DNAJC10: variants seen among roughly 807,000 people sequenced by gnomAD.
DNAJC10 encodes the protein DnaJ heat shock protein family (Hsp40) member C10.
Under a neutral mutation model 115.0 loss-of-function variants are expected in DNAJC10, and 101 were observed. The ratio of observed to expected loss-of-function variants is 0.88; its 90% CI spans 0.75 to 1.04. DNAJC10 has a LOEUF of 1.04. DNAJC10 is among the 50% of genes least tolerant of loss of function. The pLI is 0.00. For missense variants in DNAJC10, 981 were observed against 928.8 expected (o/e 1.06, Z -0.73); for synonymous variants, 307 against 301.5 (o/e 1.02, Z -0.19).
chr2:182,735,167 A>G (rs1693553297), intron 10 of DNAJC10, among the ~76,000 whole-genome samples: 1 of 151,256 alleles, frequency 6.6e-6, no homozygotes, highest in African/African-American at 2.4e-5. Context: ...TCCCATCTCT[A>G]CTAGCTCTTT....
At position 182,764,013 on chromosome 2, in the gene DNAJC10, T is replaced by C. The variant is rs191684698; in HGVS notation, c.2265+1212T>C. 6.5e-3 allele frequency among the ~76,000 whole-genome samples: 994 copies of C among 152,286 alleles called. 11 individuals carry two copies. The highest frequency in any genetic ancestry group is 0.012 in the Non-Finnish European group (785 of 68,016). ...TGTTTGTAGTTGCTGTGACTATTCT[T>C]CAAGTTGTTCAATTTACACTCAAGA... is the stretch of plus-strand genomic sequence containing the variant. On this transcript the variant is annotated intron_variant, in intron 22 of 23. Coordinates refer to ENST00000264065, the MANE Select transcript of DNAJC10 (RefSeq NM_018981.4).
At chr2:182,732,010 G>C (rs1005326779) in intron 9 of DNAJC10, among the ~76,000 whole-genome samples, 1 of 152,044 alleles carries the variant, frequency 6.6e-6, no homozygotes, top group Non-Finnish European at 1.5e-5. Flanking sequence ...TGATGCTATA[G>C]CTCTCTTTCT....
In DNAJC10 at chr2:182,781,486, G is replaced by C. The variant is rs1470579635; in HGVS notation, c.*4354G>C. 1 of 152,052 alleles carries C rather than the reference G, an allele frequency of 6.6e-6. No individual in the cohort carries two copies. The highest frequency in any genetic ancestry group is 2.1e-4 in the South Asian group (1 of 4,814). The allele number at this position is 152,052 out of a possible 1,614,324, so 9.4% of individuals were successfully genotyped here. ...TCCTTTAGGTATATACCCAGTAACG[G>C]GATTGCTGGGTCAAATGGTATTTCT... On this transcript the variant is annotated 3_prime_UTR_variant, in exon 24 of 24. Transcript: ENST00000264065.
At chr2:182,733,133 A>G (rs1303212504) in intron 10 of DNAJC10, among the ~76,000 whole-genome samples, 3 of 152,040 alleles carry the variant, frequency 2.0e-5, no homozygotes, top group Non-Finnish European at 4.4e-5. Flanking sequence ...AATTTCTAAG[A>G]GGGATGTATT....
chr2:182,729,298 G>A (rs893266644), intron 7 of DNAJC10, among the ~76,000 whole-genome samples: 2 of 151,922 alleles, frequency 1.3e-5, no homozygotes, highest in African/African-American at 2.4e-5. Context: ...ACAGGCACCC[G>A]CTCCCATGTC....
chr2:182,729,984 G>A, intron 8 of DNAJC10, 43 bp downstream of exon 8: 2 of 1,359,502 alleles, frequency 1.5e-6, no homozygotes, highest in Non-Finnish European at 2.1e-6. Flanking sequence ...AGGGTATTTT[G>A]AAATCAGTAT....
chr2:182,720,094 A>C lies in DNAJC10; in HGVS notation c.292A>C (p.Lys98Gln), dbSNP rs749520487. Reference protein sequence around the residue: ...KDEDLRKKYDKYGEKGLEDNQ... With the variant: ...KDEDLRKKYDQYGEKGLEDNQ... The stretch of plus-strand genomic sequence containing the variant: ...TGAAGATCTACGGAAAAAGTATGAC[A>C]AATATGGAGAAAAGGGACTTGAGGA... The change falls in exon 4 of 24, where the codon AAA becomes CAA. Residue 98 changes from lysine to glutamine, a missense_variant. By Grantham distance (53) the Lys-to-Gln change is moderately conservative. Coordinates refer to ENST00000264065, the MANE Select transcript of DNAJC10 (RefSeq NM_018981.4). The C allele has an allele frequency of 6.8e-6, 11 of 1,611,310 alleles. No individual in the cohort carries two copies. In the Admixed American group the frequency reaches 1.8e-4, roughly 27 times the overall value.
chr2:182,729,935 T>C lies in DNAJC10; in HGVS notation c.721T>C (p.Trp241Arg). The part of the protein sequence containing the change: ...QHVRSTVTEL[W>R]TGNFVNSIQT... ...TGTTAGAAGTACAGTGACAGAACTT[T>C]GGACAGGTAATTTTATTTTCTTAAT... Residue 241 changes from tryptophan to arginine, a missense_variant, in exon 8 of 24, where the codon TGG becomes CGG. Transcript: ENST00000264065. 1 of 1,593,198 alleles carries C rather than the reference T, an allele frequency of 6.3e-7. No individual in the cohort carries two copies. The highest frequency in any genetic ancestry group is 8.6e-7 in the Non-Finnish European group (1 of 1,168,338).
chr2:182,754,723 C>T lies in DNAJC10; in HGVS notation c.1552-280C>T, dbSNP rs557086445. ...TTCAGGAGAGTAAAAAGGGACCATT[C>T]GTATAATTACCCATGCCGATTTCTC... On this transcript the variant is annotated intron_variant, in intron 16 of 23. Coordinates refer to ENST00000264065, the MANE Select transcript of DNAJC10 (RefSeq NM_018981.4). 3.9e-5 allele frequency: 44 copies of T among 1,119,812 alleles called. No homozygotes were observed. The African/African-American group carries it at 4.7e-4, about 12-fold the overall frequency. The allele number at this position is 1,119,812 out of a possible 1,614,324, so 69.4% of individuals were successfully genotyped here. A position where few individuals can be genotyped will look rare whatever the true frequency, so the allele number is the denominator to read the frequency against.
rs768125706 is a variant in DNAJC10, at chr2:182,775,364, G to T, written c.2314G>T (p.Ala772Ser). 1.9e-6 allele frequency: 3 copies of T among 1,613,038 alleles called. No homozygotes were observed. Among genetic ancestry groups the T allele is most frequent in the Non-Finnish European group, 1.7e-6 (2 of 1,179,414 alleles). ...AAATACCAGAGATGCAAAAGCAATC[G>T]CTGCCTTAATAAGTGAAAAATTGGA... ...QINTRDAKAI[A>S]ALISEKLETL... Residue 772 changes from alanine to serine, a missense_variant, in exon 23 of 24, where the codon GCT becomes TCT. Coordinates refer to ENST00000264065, the MANE Select transcript of DNAJC10 (RefSeq NM_018981.4).
chr2:182,769,827 G>T (rs1446539626), intron 22 of DNAJC10, among the ~76,000 whole-genome samples: 1 of 151,966 alleles, frequency 6.6e-6, no homozygotes, highest in Admixed American at 6.6e-5. Flanking sequence ...AGTTTAATTA[G>T]ATCCCATTTG....
intron 9 of DNAJC10, among the ~76,000 whole-genome samples, chr2:182,731,750 AT>A (rs1693452798): frequency 6.6e-6 from 1 of 152,202 alleles, no homozygotes; most frequent in African/African-American, 2.4e-5. Flanking sequence ...ATGCTGCTAT[AT>A]TGAAAAGGTA....
chr2:182,743,934 A>G (rs1304664829), intron 14 of DNAJC10, among the ~76,000 whole-genome samples: 1 of 152,140 alleles, frequency 6.6e-6, no homozygotes, highest in Non-Finnish European at 1.5e-5. Context: ...TTTGATCAGG[A>G]TTTCTGGTGA....
intron 22 of DNAJC10, among the ~76,000 whole-genome samples, chr2:182,764,855 G>A (rs901278763): frequency 6.6e-6 from 1 of 152,148 alleles, no homozygotes; most frequent in East Asian, 1.9e-4. Context: ...TGTAATATTG[G>A]TCCTAAAAGC....
chr2:182,730,480 G>A (rs1387757218), intron 8 of DNAJC10: 1 of 423,928 alleles, frequency 2.4e-6, no homozygotes, highest in Non-Finnish European at 4.7e-6. Context: ...GACTTCATTA[G>A]TGAGGAAAAC....
chr2:182,717,132 C>T (rs1029510330), intron 2 of DNAJC10, 60 bp downstream of exon 2: 2 of 152,032 alleles, frequency 1.3e-5, no homozygotes, highest in Non-Finnish European at 1.5e-5. Flanking sequence ...AAATGAGGTG[C>T]GAGGAGCGTT....
chr2:182,728,770 T>A, intron 6 of DNAJC10, 93 bp from the exon 7 acceptor site: 1 of 1,519,134 alleles, frequency 6.6e-7, no homozygotes, highest in Non-Finnish European at 9.0e-7. Flanking sequence ...TCAAATACTT[T>A]AAATGTCTGG....
intron 11 of DNAJC10, among the ~76,000 whole-genome samples, chr2:182,737,780 A>T (rs943949008): frequency 1.3e-5 from 2 of 152,204 alleles, no homozygotes; most frequent in African/African-American, 2.4e-5. Context: ...ATATTATTTG[A>T]TGAAAACTCT....
At chr2:182,743,935 T>C (rs926258525) in intron 14 of DNAJC10, among the ~76,000 whole-genome samples, 3 of 152,214 alleles carry the variant, frequency 2.0e-5, no homozygotes, top group Non-Finnish European at 4.4e-5. Flanking sequence ...TTGATCAGGA[T>C]TTCTGGTGAT....
Sources: allele counts gnomAD v4.1 joint callset (sites outside exome capture counted in the v4.1 genomes callset), GRCh38; gene constraint gnomAD v4.1.1; transcripts MANE v1.5; gene names NCBI Gene and HGNC (gene_info 2026-07-23, HGNC 2026-07-21).